Variants in GALNTL6 observed in about 807,000 individuals in gnomAD.
GALNTL6 encodes polypeptide N-acetylgalactosaminyltransferase like 6.
In GALNTL6, 46 loss-of-function variants were observed where a neutral mutation model predicts 73.7. The ratio of observed to expected loss-of-function variants is 0.62; its 90% CI spans 0.49 to 0.80. The LOEUF (loss-of-function observed/expected upper bound fraction) is 0.80. Among genes scored for constraint, GALNTL6 ranks in the 30% least tolerant of loss-of-function variants. GALNTL6 has a pLI of 0.00. For synonymous variants in GALNTL6, 259 were observed against 263.7 expected (o/e 0.98, Z 0.17); for missense variants, 604 against 755.0 (o/e 0.80, Z 2.34).
chr4:172,822,236 G>A (rs1741973091), intron 7 of GALNTL6, among the ~76,000 whole-genome samples: 2 of 152,108 alleles, frequency 1.3e-5, no homozygotes, highest in Admixed American at 1.3e-4. Flanking sequence ...AGATCTCTGG[G>A]TTCCTGGGAT....
intron 8 of GALNTL6, among the ~76,000 whole-genome samples, chr4:172,888,940 C>T (rs1359789401): frequency 3.3e-5 from 5 of 151,700 alleles, no homozygotes; most frequent in African/African-American, 9.7e-5. Flanking sequence ...TTTCTTTCAT[C>T]AGTGTTTTGT....
intron 2 of GALNTL6, chr4:171,815,228 T>C (rs1734494908): frequency 1.3e-5 from 2 of 158,262 alleles, no homozygotes; most frequent in East Asian, 1.9e-4. Context: ...TGTCGAAACT[T>C]AAAGTCTCTC....
chr4:172,018,594 C>T (rs1272627989), intron 2 of GALNTL6, among the ~76,000 whole-genome samples: 1 of 152,026 alleles, frequency 6.6e-6, no homozygotes, highest in Non-Finnish European at 1.5e-5. Flanking sequence ...ATCTGGGCAG[C>T]CTGCACATAA....
intron 2 of GALNTL6, among the ~76,000 whole-genome samples, chr4:171,841,643 A>G (rs1735241568): frequency 6.6e-6 from 1 of 152,114 alleles, no homozygotes; most frequent in Non-Finnish European, 1.5e-5. Flanking sequence ...AGGAGGAAAT[A>G]GAAATCATGA....
At chr4:172,174,993 C>T (rs895016462) in intron 2 of GALNTL6, among the ~76,000 whole-genome samples, 19 of 152,086 alleles carry the variant, frequency 1.2e-4, no homozygotes, top group African/African-American at 4.3e-4. Context: ...CAGATATTTG[C>T]ATATACTTAA....
intron 2 of GALNTL6, among the ~76,000 whole-genome samples, chr4:172,175,638 G>A (rs541752752): frequency 1.3e-5 from 2 of 152,248 alleles, no homozygotes; most frequent in African/African-American, 2.4e-5. Context: ...AAGAATTTTG[G>A]CATTATGCTA....
chr4:171,949,477 T>C lies in GALNTL6; in HGVS notation c.138+134759T>C, dbSNP rs1471489276. On this transcript the variant is annotated intron_variant, in intron 2 of 12. Transcript: ENST00000506823. ...TTTCACAGATAAACTTTTTTGATTA[T>C]GCTTAACAATTTTTTAAAAATCACA... Among the ~76,000 whole-genome samples the C allele has an allele frequency of 2.6e-5, 4 of 152,302 alleles. No individual in the cohort carries two copies. The East Asian group carries it at 5.8e-4, about 22-fold the overall frequency.
chr4:171,901,496 C>T (rs1364675762), intron 2 of GALNTL6, among the ~76,000 whole-genome samples: 2 of 152,142 alleles, frequency 1.3e-5, no homozygotes, highest in Non-Finnish European at 2.9e-5. Flanking sequence ...AAATATTTTT[C>T]TTTCCTCCTC....
intron 5 of GALNTL6, among the ~76,000 whole-genome samples, chr4:172,407,459 T>C (rs1744278056): frequency 6.6e-6 from 1 of 152,126 alleles, no homozygotes; most frequent in Admixed American, 6.6e-5. Context: ...TATTAATGTC[T>C]ACTATGTGCA....
At chr4:172,448,576 C>T (rs945640395) in intron 5 of GALNTL6, among the ~76,000 whole-genome samples, 3 of 152,154 alleles carry the variant, frequency 2.0e-5, no homozygotes, top group South Asian at 2.1e-4. Flanking sequence ...TCTGGGAAAC[C>T]AACATCCACA....
At chr4:172,099,472 G>C (rs772990494) in intron 2 of GALNTL6, among the ~76,000 whole-genome samples, 1 of 152,080 alleles carries the variant, frequency 6.6e-6, no homozygotes, top group Non-Finnish European at 1.5e-5. Context: ...TGTCAATGTA[G>C]CCTTTTTTAC....
Position 172,509,858 on chromosome 4 carries a change from T to C in GALNTL6, c.553+161169T>C, listed in dbSNP as rs1220537951. 1.8e-4 allele frequency among the ~76,000 whole-genome samples: 10 copies of C among 55,438 alleles called. 5 individuals are homozygous for C. The highest frequency in any genetic ancestry group is 3.3e-4 in the Non-Finnish European group (8 of 23,940). The allele number at this position is 55,438 out of a possible 152,430, so 36.4% of individuals were successfully genotyped here. A position where few individuals can be genotyped will look rare whatever the true frequency, so the allele number is the denominator to read the frequency against. On this transcript the variant is annotated intron_variant, in intron 5 of 12. Coordinates refer to ENST00000506823, the MANE Select transcript of GALNTL6 (RefSeq NM_001034845.3). ...GGTGACTATAGCCTTGTAGTATAGT[T>C]TGGGGTAAGGTAATGTGATGCCTCC...
intron 5 of GALNTL6, among the ~76,000 whole-genome samples, chr4:172,502,983 G>A (rs896642620): frequency 1.2e-4 from 19 of 152,046 alleles, no homozygotes; most frequent in African/African-American, 4.3e-4. Flanking sequence ...CAGAAATCTC[G>A]GATAACGTTT....
chr4:172,295,352 G>C (rs190892722), intron 3 of GALNTL6, among the ~76,000 whole-genome samples: 2 of 151,580 alleles, frequency 1.3e-5, no homozygotes, highest in African/African-American at 4.8e-5. Context: ...AACCCAGGAG[G>C]TGGAGGTTGC....
intron 3 of GALNTL6, among the ~76,000 whole-genome samples, chr4:172,233,215 A>AG (rs1273505947): frequency 3.3e-5 from 5 of 151,678 alleles, no homozygotes; most frequent in African/African-American, 1.2e-4. Flanking sequence ...CAAAAAAAAA[A>AG]AAAAAAAAAT....
At chr4:172,040,541 C>T (rs1742055128) in intron 2 of GALNTL6, among the ~76,000 whole-genome samples, 2 of 152,122 alleles carry the variant, frequency 1.3e-5, no homozygotes, top group African/African-American at 4.8e-5. Context: ...CTTACTGGTT[C>T]AATTTCTACC....
intron 2 of GALNTL6, among the ~76,000 whole-genome samples, chr4:172,194,296 G>A (rs1449911088): frequency 6.6e-6 from 1 of 152,172 alleles, no homozygotes; most frequent in Non-Finnish European, 1.5e-5. Context: ...TGAGAACCAT[G>A]GATTATATAA....
intron 4 of GALNTL6, among the ~76,000 whole-genome samples, chr4:172,314,600 CTTTTT>C (rs773057515): frequency 4.2e-5 from 3 of 70,674 alleles, no homozygotes; most frequent in African/African-American, 1.8e-4. Flanking sequence ...AATGCGTAGG[CTTTTT>C]TTTTTTTTTT....
intron 5 of GALNTL6, among the ~76,000 whole-genome samples, chr4:172,724,287 A>G (rs1459232081): frequency 6.6e-6 from 1 of 152,230 alleles, no homozygotes; most frequent in Non-Finnish European, 1.5e-5. Context: ...AGTCTATTAT[A>G]CAAGATATCA....
Sources: gnomAD v4.1 joint callset for allele counts (sites outside exome capture counted in the v4.1 genomes callset) on GRCh38, gnomAD v4.1.1 for gene constraint, MANE v1.5 for transcripts, NCBI Gene and HGNC (gene_info 2026-07-23, HGNC 2026-07-21) for gene names.